The following TTLL5 variants were observed in gnomAD, a reference collection of about 807,000 sequenced individuals.
TTLL5 encodes the protein tubulin tyrosine ligase like 5.
Under a neutral mutation model 168.4 loss-of-function variants are expected in TTLL5, and 132 were observed. That is an observed-to-expected ratio of 0.78 (90% confidence interval 0.68 to 0.91). The LOEUF (loss-of-function observed/expected upper bound fraction) is 0.91, where lower values mean the gene tolerates loss of function less well. Among genes scored for constraint, TTLL5 ranks in the 40% least tolerant of loss-of-function variants. The pLI, the probability that TTLL5 is intolerant of heterozygous loss-of-function variation, is 0.00. For synonymous variants in TTLL5, 546 were observed against 558.6 expected, an observed-to-expected ratio of 0.98 and a Z score of 0.32; for missense variants, 1,545 against 1,581.5, an observed-to-expected ratio of 0.98 and a Z score of 0.39.
In TTLL5 at chr14:75,707,071, C is replaced by A. The variant is rs769924591; in HGVS notation, c.639C>A (p.Asn213Lys). The change falls in exon 8 of 32, where the codon AAC (asparagine) becomes AAA (lysine). Residue 213 changes from asparagine (N) to lysine (K), a missense_variant. Transcript: ENST00000298832. ...TTTTGGTCTCCCGTTACATTAACAA[C>A]CCCCTGCTCATAGATGGTGAGTTGT... ...ENILVSRYIN[N>K]PLLIDDFKFD... The A allele has an allele frequency of 1.9e-5, 30 of 1,612,376 alleles. No individual in the cohort carries two copies. The highest frequency in any genetic ancestry group is 6.7e-5 in the Admixed American group (4 of 59,944).
At chr14:75,901,942 A>G (rs1243924159) in intron 30 of TTLL5, among the ~76,000 whole-genome samples, 200 bp from the exon 31 acceptor site, 1 of 152,190 alleles carries the variant, frequency 6.6e-6, no homozygotes, top group Non-Finnish European at 1.5e-5. Flanking sequence ...TAAATCTCAA[A>G]ATATATACTA....
intron 12 of TTLL5, among the ~76,000 whole-genome samples, chr14:75,724,029 T>TC (rs1028322359): frequency 5.3e-5 from 8 of 151,842 alleles, no homozygotes; most frequent in Non-Finnish European, 7.4e-5. Flanking sequence ...TTTTTTTTTT[T>TC]CCATTTATTT....
intron 4 of TTLL5, among the ~76,000 whole-genome samples, chr14:75,681,944 T>C (rs577560140): frequency 6.6e-6 from 1 of 151,970 alleles, no homozygotes; most frequent in East Asian, 1.9e-4. Context: ...TGAACAGACT[T>C]TGCTTAACTT....
Position 75,755,933 on chromosome 14 carries a change from T to TA in TTLL5, c.1550+2979dup, listed in dbSNP as rs200244718. Among the ~76,000 whole-genome samples, 555 of 152,226 alleles carry TA rather than the reference T, an allele frequency of 3.6e-3. 4 individuals are homozygous for TA. Among genetic ancestry groups the TA allele is most frequent in the African/African-American group, 0.012 (518 of 41,498 alleles). On this transcript the variant is annotated intron_variant, in intron 18 of 31. Transcript: ENST00000298832. Reference sequence around the variant, plus strand: ...GCAAACAGTATCTTACATACTGTCTTATACTATGGCAGTTGCTTTAACCCT... The same window carrying TA: ...GCAAACAGTATCTTACATACTGTCTTAATACTATGGCAGTTGCTTTAACCCT...
rs374240723 is a variant in TTLL5, at chr14:75,756,231, A to G, written c.1550+3276A>G. On this transcript the variant is annotated intron_variant, in intron 18 of 31. Transcript: ENST00000298832. ...ACCTTTTCACTGGATTTTTCTTTGC[A>G]TATCATCTACATTGCATTTGTCTCT... 9.2e-5 allele frequency among the ~76,000 whole-genome samples: 14 copies of G among 152,300 alleles called. No homozygotes were observed. The East Asian group carries it at 2.5e-3, about 27-fold the overall frequency.
intron 27 of TTLL5, among the ~76,000 whole-genome samples, chr14:75,807,542 T>A (rs1566612785): frequency 6.6e-6 from 1 of 152,240 alleles, no homozygotes; most frequent in Non-Finnish European, 1.5e-5. Flanking sequence ...GCCAAGGACT[T>A]TATATGCATT....
At chr14:75,905,628 G>C (rs1240656140) in intron 31 of TTLL5, among the ~76,000 whole-genome samples, 1 of 152,190 alleles carries the variant, frequency 6.6e-6, no homozygotes, top group Non-Finnish European at 1.5e-5. Flanking sequence ...GCTGGAGTGA[G>C]AGCTCTTGGC....
intron 19 of TTLL5, among the ~76,000 whole-genome samples, chr14:75,765,200 GT>G (rs1890890378): frequency 6.6e-6 from 1 of 152,184 alleles, no homozygotes; most frequent in Non-Finnish European, 1.5e-5. Context: ...TTGTAGGTCT[GT>G]TTATAATTGA....
intron 28 of TTLL5, among the ~76,000 whole-genome samples, chr14:75,862,959 T>C (rs1327449736): frequency 6.6e-6 from 1 of 151,924 alleles, no homozygotes. Flanking sequence ...AATAAATAAA[T>C]AATTTGGGCA....
At chr14:75,876,462 C>A (rs1299160341) in intron 29 of TTLL5, among the ~76,000 whole-genome samples, 1 of 152,122 alleles carries the variant, frequency 6.6e-6, no homozygotes, top group Non-Finnish European at 1.5e-5. Context: ...TAGTAAGAAC[C>A]TCCTTTCCTA....
chr14:75,811,745 T>C (rs1416754191), intron 27 of TTLL5, among the ~76,000 whole-genome samples: 1 of 152,216 alleles, frequency 6.6e-6, no homozygotes, highest in East Asian at 1.9e-4. Context: ...GCATGCAGCA[T>C]TGAAATAGCT....
intron 31 of TTLL5, among the ~76,000 whole-genome samples, chr14:75,929,803 C>G (rs932065137): frequency 5.9e-5 from 9 of 152,100 alleles, no homozygotes; most frequent in African/African-American, 2.4e-5. Context: ...TGACCTGGAA[C>G]CATTTTTCCT....
At chr14:75,848,267 T>G (rs997904957) in intron 28 of TTLL5, among the ~76,000 whole-genome samples, 2 of 151,980 alleles carry the variant, frequency 1.3e-5, no homozygotes, top group Admixed American at 6.5e-5. Context: ...TTGTGACACT[T>G]TGCAAGCTGT....
chr14:75,885,951 A>C (rs2032093950), intron 30 of TTLL5, among the ~76,000 whole-genome samples: 1 of 152,196 alleles, frequency 6.6e-6, no homozygotes, highest in African/African-American at 2.4e-5. Context: ...TTCTTCCTAC[A>C]AGATGTGTTG....
chr14:75,851,275 G>T (rs1320737948), intron 28 of TTLL5, among the ~76,000 whole-genome samples: 1 of 152,118 alleles, frequency 6.6e-6, no homozygotes, highest in African/African-American at 2.4e-5. Flanking sequence ...TCAACATGGT[G>T]ACAAAATGTA....
chr14:75,746,384 A>G (rs1316381183), intron 17 of TTLL5, among the ~76,000 whole-genome samples: 2 of 152,124 alleles, frequency 1.3e-5, no homozygotes, highest in East Asian at 3.8e-4. Context: ...CGCTGTGACC[A>G]TTCATGTACA....
chr14:75,834,792 A>G (rs1239069088), intron 28 of TTLL5, among the ~76,000 whole-genome samples: 1 of 152,198 alleles, frequency 6.6e-6, no homozygotes, highest in Non-Finnish European at 1.5e-5. Flanking sequence ...TGGGCTGGGC[A>G]CAGTGGCTCA....
intron 26 of TTLL5, among the ~76,000 whole-genome samples, chr14:75,786,975 A>T (rs1394007207): frequency 6.6e-6 from 1 of 152,098 alleles, no homozygotes; most frequent in East Asian, 1.9e-4. Flanking sequence ...TCTACTGAAA[A>T]TACAAAAATT....
chr14:75,772,367 A>G (rs139482324), intron 21 of TTLL5, among the ~76,000 whole-genome samples: 1 of 152,314 alleles, frequency 6.6e-6, no homozygotes, highest in Non-Finnish European at 1.5e-5. Flanking sequence ...ATTGTAAAGC[A>G]TTTATTTTCT....
Sources: gnomAD v4.1 joint callset for allele counts (sites outside exome capture counted in the v4.1 genomes callset) on GRCh38, gnomAD v4.1.1 for gene constraint, MANE v1.5 for transcripts, NCBI Gene and HGNC (gene_info 2026-07-23, HGNC 2026-07-21) for gene names.